The following ADCY10 variants were observed in gnomAD, a reference collection of about 807,000 sequenced individuals.
The protein encoded by ADCY10 is adenylate cyclase 10, also known as adenylate cyclase type 10.
Under a neutral mutation model 183.3 loss-of-function variants are expected in ADCY10, and 156 were observed. That is an observed-to-expected ratio of 0.85 (90% CI 0.75 to 0.97). The LOEUF (loss-of-function observed/expected upper bound fraction) is 0.97. ADCY10 is among the 50% of genes least tolerant of loss of function. The pLI is 0.00. For synonymous variants in ADCY10, 645 were observed against 670.0 expected, an observed-to-expected ratio of 0.96 and a Z score of 0.58; for missense variants, 1,745 against 1,934.3, an observed-to-expected ratio of 0.90 and a Z score of 1.84.
At position 167,820,190 on chromosome 1, in the gene ADCY10, G is replaced by A. The variant is rs187666259; in HGVS notation, c.4286+1834C>T. ...TTCCCCGAATGCCGCGGCGGCCGCA[G>A]CTCCCGAGGCTGCGACGGCTTCTCC... On this transcript the variant is annotated intron_variant, in intron 30 of 32. Transcript: ENST00000367851. 7.7e-3 allele frequency: 11,801 copies of A among 1,537,118 alleles called. 53 individuals carry two copies. The highest frequency in any genetic ancestry group is 0.013 in the Middle Eastern group (56 of 4,334).
intron 25 of ADCY10, among the ~76,000 whole-genome samples, chr1:167,830,497 T>C (rs142546826): frequency 0.032 from 4,859 of 152,252 alleles, 149 homozygotes; most frequent in East Asian, 0.15. Context: ...GTTCAAGCGA[T>C]TCTCTTTCCT....
chr1:167,853,147 C>T (rs1665623422), intron 18 of ADCY10, among the ~76,000 whole-genome samples: 1 of 152,014 alleles, frequency 6.6e-6, no homozygotes, highest in South Asian at 2.1e-4. Flanking sequence ...TAAATTTAGT[C>T]GCAGAGGAAT....
At chr1:167,842,944 G>A (rs867766735) in intron 21 of ADCY10, among the ~76,000 whole-genome samples, 1 of 152,188 alleles carries the variant, frequency 6.6e-6, no homozygotes, top group Non-Finnish European at 1.5e-5. Flanking sequence ...CTGAAGGTGT[G>A]TGGGACGGTC....
chr1:167,881,065 T>C (rs1301202358), intron 9 of ADCY10, among the ~76,000 whole-genome samples: 1 of 152,234 alleles, frequency 6.6e-6, no homozygotes, highest in South Asian at 2.1e-4. Context: ...AAAATGGATA[T>C]ACTGTAGACC....
At chr1:167,859,783 T>G (rs1202912749) in intron 16 of ADCY10, 24 bp downstream of exon 16, 2 of 1,584,922 alleles carry the variant, frequency 1.3e-6, no homozygotes, top group Non-Finnish European at 1.7e-6. Context: ...TTCCCCCTAC[T>G]TCTTGACCCA....
At position 167,880,240 on chromosome 1, in the gene ADCY10, G is replaced by A. The variant is rs1478491823; in HGVS notation, c.1140-49C>T. On this transcript the variant is annotated intron_variant, in intron 10 of 32. Transcript: ENST00000367851. ...GTGGGGAAAGAAATAAAGATAATGA[G>A]CGTAGAGAAAGTGGGAAGGGTGGGA... 4.0e-6 allele frequency: 6 copies of A among 1,506,600 alleles called. No individual in the cohort carries two copies. In the East Asian group the frequency reaches 1.4e-4, roughly 34 times the overall value. The allele number at this position is 1,506,600 out of a possible 1,614,324, so 93.3% of individuals were successfully genotyped here.
At chr1:167,887,276 G>A (rs547112403) in intron 8 of ADCY10, among the ~76,000 whole-genome samples, 1 of 152,324 alleles carries the variant, frequency 6.6e-6, no homozygotes, top group South Asian at 2.1e-4. Context: ...ATTCACAATA[G>A]CAAAGACCTG....
chr1:167,836,205 A>G (rs1254560670), intron 23 of ADCY10, 104 bp downstream of exon 23: 4 of 772,632 alleles, frequency 5.2e-6, no homozygotes, highest in Middle Eastern at 2.2e-4. Flanking sequence ...GCTGTCGGGA[A>G]TATACAACGT....
At chr1:167,850,139 A>G (rs1433545613) in intron 18 of ADCY10, among the ~76,000 whole-genome samples, 2 of 152,132 alleles carry the variant, frequency 1.3e-5, no homozygotes, top group Admixed American at 6.6e-5. Context: ...AGACTAGGAC[A>G]GGGAAGACTA....
At chr1:167,854,147 C>A (rs1317071555) in intron 18 of ADCY10, among the ~76,000 whole-genome samples, 1 of 151,910 alleles carries the variant, frequency 6.6e-6, no homozygotes, top group African/African-American at 2.4e-5. Flanking sequence ...CATAGTTAGA[C>A]AATCTTTAGC....
Position 167,845,798 on chromosome 1 carries a change from G to A in ADCY10, c.2772C>T (p.His924=). ...TCATAGGGTTACAGAATCGAATCCT[G>A]TGGCACTCGATCACCTCATTCTCCA... ...RELENEVIEC[H]RIRFCNPMMQ... Residue 924 remains histidine, a synonymous_variant, in exon 21 of 33, where the codon CAC becomes CAT. Transcript: ENST00000367851. 6.2e-7 allele frequency: 1 copy of A among 1,614,160 alleles called. No homozygotes were observed. Among genetic ancestry groups the A allele is most frequent in the Non-Finnish European group, 8.5e-7 (1 of 1,180,042 alleles).
Position 167,896,602 on chromosome 1 carries a change from C to T in ADCY10, c.732G>A (p.Glu244=). 6.2e-7 allele frequency: 1 copy of T among 1,610,946 alleles called. No individual in the cohort carries two copies. Among genetic ancestry groups the T allele is most frequent in the Non-Finnish European group, 8.5e-7 (1 of 1,177,166 alleles). The part of the protein sequence containing the change: ...TTFMHYYPSG[E]HKNLLRLACT... ...TCCATGGTGGGTACTTACTTTTGTG[C>T]TCACCAGAAGGATAATAATGCATGA... Residue 244 remains glutamate (E), a synonymous_variant, in exon 7 of 33, where the codon GAG becomes GAA. Transcript: ENST00000367851.
Position 167,901,645 on chromosome 1 carries a change from C to G in ADCY10, c.436+17G>C. The G allele has an allele frequency of 6.2e-7, 1 of 1,613,516 alleles. No individual in the cohort carries two copies. The highest frequency in any genetic ancestry group is 8.5e-7 in the Non-Finnish European group (1 of 1,179,686). On this transcript the variant is annotated intron_variant, in intron 5 of 32. Transcript: ENST00000367851. ...TATCCCAGCTGCCGTAGGATTTATT[C>G]CTTCTCAAATGCTTACCTATCTTGA... is the stretch of plus-strand genomic sequence containing the variant.
chr1:167,824,474 A>G lies in ADCY10; in HGVS notation c.4052+2T>C. The G allele has an allele frequency of 6.2e-7, 1 of 1,613,562 alleles. No homozygotes were observed. Among genetic ancestry groups the G allele is most frequent in the Non-Finnish European group, 8.5e-7 (1 of 1,179,500 alleles). ...TTTTGGAAAATGCTTTAAGATAAAT[A>G]CCTGCTGTTCAGAAGGAGACATCTG... On this transcript the variant is annotated splice_donor_variant, in intron 28 of 32. Transcript: ENST00000367851. LOFTEE classifies it high-confidence loss of function.
rs942170233 is a variant in ADCY10, at chr1:167,833,046, G to T, written c.3534C>A (p.Val1178=). Residue 1178 remains valine (V), a synonymous_variant, in exon 25 of 33, where the codon GTC becomes GTA. Transcript: ENST00000367851. ...NLISLFLHIH[V]EKNRHFHYVN... is the part of the protein sequence containing the mutation. ...CATAATGAAAGTGTCTGTTTTTCTC[G>T]ACATGGATATGGAGAAACAAGGAGA... 1 of 1,613,928 alleles carries T rather than the reference G, an allele frequency of 6.2e-7. No homozygotes were observed. Among genetic ancestry groups the T allele is most frequent in the Non-Finnish European group, 8.5e-7 (1 of 1,180,002 alleles).
At chr1:167,881,962 G>A (rs1406698298) in intron 9 of ADCY10, among the ~76,000 whole-genome samples, 1 of 152,190 alleles carries the variant, frequency 6.6e-6, no homozygotes, top group Non-Finnish European at 1.5e-5. Context: ...CATGCTTCCT[G>A]CCTGGTTGTG....
chr1:167,823,375 A>G (rs1663047114), intron 28 of ADCY10, among the ~76,000 whole-genome samples: 1 of 150,692 alleles, frequency 6.6e-6, no homozygotes, highest in Non-Finnish European at 1.5e-5. Context: ...TGGTGAGCCA[A>G]TAACGCACCA....
chr1:167,882,687 G>C (rs1356415331), intron 9 of ADCY10, among the ~76,000 whole-genome samples: 1 of 151,814 alleles, frequency 6.6e-6, no homozygotes, highest in African/African-American at 2.4e-5. Flanking sequence ...CACTGAGCTG[G>C]AGACTTATGT....
At chr1:167,823,209 G>A (rs1402672642) in intron 28 of ADCY10, 86 bp from the exon 29 acceptor site, 19 of 1,113,732 alleles carry the variant, frequency 1.7e-5, no homozygotes, top group Middle Eastern at 2.0e-4. Context: ...GGTGGATCAC[G>A]AGGTCAGGAG....
Sources: gnomAD v4.1 joint callset for allele counts (sites outside exome capture counted in the v4.1 genomes callset) on GRCh38, gnomAD v4.1.1 for gene constraint, MANE v1.5 for transcripts, NCBI Gene and HGNC (gene_info 2026-07-23, HGNC 2026-07-21) for gene names.